Variants in NUDT5 observed in about 807,000 individuals in gnomAD.
The protein encoded by NUDT5 is ADP-sugar pyrophosphatase.
In NUDT5, 21 loss-of-function variants were observed where a neutral mutation model predicts 34.1. The observed-to-expected ratio is 0.62, with a 90% CI of 0.44 to 0.89. The LOEUF is 0.89. NUDT5 is among the 40% of genes least tolerant of loss of function. NUDT5 has a pLI of 0.00. For missense variants in NUDT5, 249 were observed against 274.8 expected (o/e 0.91, Z 0.66); for synonymous variants, 85 against 97.6 (o/e 0.87, Z 0.76).
At position 12,170,034 on chromosome 10, in the gene NUDT5, G is replaced by A; in HGVS notation, c.550+683C>T. 4.2e-6 allele frequency: 6 copies of A among 1,413,574 alleles called. No individual in the cohort carries two copies. Among genetic ancestry groups the A allele is most frequent in the Non-Finnish European group, 6.0e-6 (6 of 1,002,890 alleles). 87.6% of individuals were successfully genotyped at this position (1,413,574 alleles called of 1,614,324 possible). ...AGAGGTGCTCCTTGAAGGGCCCATG[G>A]TATGTCTCCATACAGTATCTCCTCG... is the stretch of plus-strand genomic sequence containing the variant. On this transcript the variant is annotated intron_variant, in intron 9 of 9. Coordinates refer to ENST00000491614, the MANE Select transcript of NUDT5 (RefSeq NM_014142.4). The surrounding 1 kb of genome is among the most constrained non-coding windows in gnomAD (Gnocchi z 4.9).
Position 12,169,071 on chromosome 10 carries a change from G to A in NUDT5, c.551-1260C>T, listed in dbSNP as rs980361997. On this transcript the variant is annotated intron_variant, in intron 9 of 9. Coordinates refer to ENST00000491614, the MANE Select transcript of NUDT5 (RefSeq NM_014142.4). This position sits in a 1 kb window ranked among gnomAD's most constrained non-coding sequence, Gnocchi z 4.8. ...AGCCACCGCACCCGGCCAGCAAACT[G>A]ATCTTAAAATGTAATACTTTCCTTC... is the stretch of plus-strand genomic sequence containing the variant. Among the ~76,000 whole-genome samples, 13 of 152,078 alleles carry A rather than the reference G, an allele frequency of 8.5e-5. No homozygotes were observed. Among genetic ancestry groups the A allele is most frequent in the African/African-American group, 3.1e-4 (13 of 41,422 alleles).
At chr10:12,183,493 C>T (rs1048870876) in intron 3 of NUDT5, among the ~76,000 whole-genome samples, 3 of 152,150 alleles carry the variant, frequency 2.0e-5, no homozygotes, top group East Asian at 1.9e-4. Context: ...TGCATCTTGA[C>T]GATCTATTTC....
intron 7 of NUDT5, among the ~76,000 whole-genome samples, chr10:12,172,306 G>A (rs1356565455): frequency 6.6e-6 from 1 of 151,602 alleles, no homozygotes; most frequent in East Asian, 1.9e-4. Context: ...AGAGAGACAT[G>A]GTCTCATTCT....
Position 12,171,942 on chromosome 10 carries a change from C to T in NUDT5, c.487+823G>A, listed in dbSNP as rs1209273787. On this transcript the variant is annotated intron_variant, in intron 7 of 9. Coordinates refer to ENST00000491614, the MANE Select transcript of NUDT5 (RefSeq NM_014142.4). The surrounding 1 kb of genome is among the most constrained non-coding windows in gnomAD (Gnocchi z 4.2). The stretch of plus-strand genomic sequence containing the variant: ...GTTTCACCATGTTGGCCAGGCTGAT[C>T]TCGAGCTCCTGACCTCAAGTGATCC... Among the ~76,000 whole-genome samples the T allele has an allele frequency of 6.6e-6, 1 of 151,950 alleles. No individual in the cohort carries two copies. The highest frequency in any genetic ancestry group is 1.5e-5 in the Non-Finnish European group (1 of 67,996).
In NUDT5 at chr10:12,169,189, C is replaced by G; in HGVS notation, c.551-1378G>C. The G allele has an allele frequency of 9.7e-7, 1 of 1,027,708 alleles. No individual in the cohort carries two copies. The highest frequency in any genetic ancestry group is 1.4e-6 in the Non-Finnish European group (1 of 692,328). The allele number at this position is 1,027,708 out of a possible 1,614,324, so 63.7% of individuals were successfully genotyped here. A position where few individuals can be genotyped will look rare whatever the true frequency, so the allele number is the denominator to read the frequency against. The stretch of plus-strand genomic sequence containing the variant: ...GCAACTTGGTTCTTTTACCCCTCCT[C>G]CTTTATAGCCATAGTAGCCCTCTCT... On this transcript the variant is annotated intron_variant, in intron 9 of 9. Coordinates refer to ENST00000491614, the MANE Select transcript of NUDT5 (RefSeq NM_014142.4). This position sits in a 1 kb window ranked among gnomAD's most constrained non-coding sequence, Gnocchi z 4.8.
At chr10:12,193,520 T>G (rs1305683192) in intron 1 of NUDT5, among the ~76,000 whole-genome samples, 1 of 152,224 alleles carries the variant, frequency 6.6e-6, no homozygotes, top group Non-Finnish European at 1.5e-5. Flanking sequence ...AAGGTTTTAT[T>G]GGAGAAACTT....
chr10:12,186,502 C>T (rs982848432), intron 1 of NUDT5, among the ~76,000 whole-genome samples, 170 bp from the exon 2 acceptor site: 4 of 152,280 alleles, frequency 2.6e-5, no homozygotes, highest in East Asian at 3.9e-4. Flanking sequence ...CAGGGAGGCC[C>T]GGGGATTAGC....
intron 1 of NUDT5, among the ~76,000 whole-genome samples, chr10:12,191,894 T>G (rs945189674): frequency 1.3e-5 from 2 of 152,208 alleles, no homozygotes; most frequent in Non-Finnish European, 2.9e-5. Context: ...AGTTAAACTA[T>G]GAACTCAAAA....
At chr10:12,179,323 AAC>A (rs1371857963) in intron 3 of NUDT5, among the ~76,000 whole-genome samples, 191 bp from the exon 4 acceptor site, 1 of 152,252 alleles carries the variant, frequency 6.6e-6, no homozygotes, top group African/African-American at 2.4e-5. Context: ...TCTGAAAATT[AAC>A]AACGAAAACT....
chr10:12,168,763 A>AT lies in NUDT5; in HGVS notation c.551-953dup, dbSNP rs979927469. Among the ~76,000 whole-genome samples the AT allele has an allele frequency of 1.1e-4, 17 of 149,606 alleles. No homozygotes were observed. The highest frequency in any genetic ancestry group is 2.1e-4 in the South Asian group (1 of 4,724). On this transcript the variant is annotated intron_variant, in intron 9 of 9. Transcript: ENST00000491614. This position sits in a 1 kb window ranked among gnomAD's most constrained non-coding sequence, Gnocchi z 4.8. ...TTTGTAGCAAACTGATCTTTTTTTA[A>AT]TTTTTTTTTTATGTTTTTGAGATGG... is the stretch of plus-strand genomic sequence containing the variant.
chr10:12,189,175 G>A (rs1040767891), intron 1 of NUDT5, among the ~76,000 whole-genome samples: 1 of 151,882 alleles, frequency 6.6e-6, no homozygotes, highest in African/African-American at 2.4e-5. Flanking sequence ...GCATGATCTC[G>A]GCTCACTGCA....
intron 1 of NUDT5, among the ~76,000 whole-genome samples, chr10:12,186,612 ATTTTTCTTTTTTTT>A (rs1835133547): frequency 2.3e-5 from 3 of 132,704 alleles, no homozygotes; most frequent in South Asian, 2.6e-4. Flanking sequence ...TCTTCATCAG[ATTTTTCTTTTTTTT>A]TTTTTCTTTT....
intron 1 of NUDT5, among the ~76,000 whole-genome samples, chr10:12,190,994 T>C (rs1835216947): frequency 6.6e-6 from 1 of 152,052 alleles, no homozygotes; most frequent in South Asian, 2.1e-4. Context: ...AGACACCACA[T>C]GAACAAAGGC....
In NUDT5 at chr10:12,187,196, C is replaced by A. The variant is rs565477635; in HGVS notation, c.-41-864G>T. Among the ~76,000 whole-genome samples, 8 of 152,270 alleles carry A rather than the reference C, an allele frequency of 5.3e-5. No homozygotes were observed. In the East Asian group the frequency reaches 1.5e-3, roughly 29 times the overall value. On this transcript the variant is annotated intron_variant, in intron 1 of 9. Coordinates refer to ENST00000491614, the MANE Select transcript of NUDT5 (RefSeq NM_014142.4). The surrounding 1 kb of genome is among the most constrained non-coding windows in gnomAD (Gnocchi z 5.4). ...TACAGGTGCATGCTACCACAGCCAACTAATGTTTTAAACTTTTGGTAGAGG... is the reference window on the plus strand; with the variant it reads ...TACAGGTGCATGCTACCACAGCCAAATAATGTTTTAAACTTTTGGTAGAGG...
rs1382942564 is a variant in NUDT5, at chr10:12,181,528, G to T, written c.132-2396C>A. ...ACAGTATCTTTACCCCACAGAGCAG[G>T]AAATAAGCCAAAGAACCCCACAATG... On this transcript the variant is annotated intron_variant, in intron 3 of 9. Coordinates refer to ENST00000491614, the MANE Select transcript of NUDT5 (RefSeq NM_014142.4). This position sits in a 1 kb window ranked among gnomAD's most constrained non-coding sequence, Gnocchi z 5.0. 6.6e-6 allele frequency among the ~76,000 whole-genome samples: 1 copy of T among 152,168 alleles called. No individual in the cohort carries two copies. Among genetic ancestry groups the T allele is most frequent in the Admixed American group, 6.5e-5 (1 of 15,282 alleles).
Position 12,187,288 on chromosome 10 carries a change from C to T in NUDT5, c.-41-956G>A, listed in dbSNP as rs1381803182. ...GGCTCAAGCGATCCTCCTCCCGCCT[C>T]GGTGTCCCAAAGTGCTGGGATTACA... On this transcript the variant is annotated intron_variant, in intron 1 of 9. Coordinates refer to ENST00000491614, the MANE Select transcript of NUDT5 (RefSeq NM_014142.4). The surrounding 1 kb of genome is among the most constrained non-coding windows in gnomAD (Gnocchi z 5.4). Among the ~76,000 whole-genome samples the T allele has an allele frequency of 2.0e-5, 3 of 151,458 alleles. No individual in the cohort carries two copies. Among genetic ancestry groups the T allele is most frequent in the African/African-American group, 4.9e-5 (2 of 41,194 alleles).
In NUDT5 at chr10:12,175,031, A is replaced by G. The variant is rs143709685; in HGVS notation, c.290-1218T>C. ...TTTTTCCTGAAAGGAATTAAAAAAT[A>G]TAATAAGGCTGGGCGTGGCGGCCCA... On this transcript the variant is annotated intron_variant, in intron 5 of 9. Transcript: ENST00000491614. The surrounding 1 kb of genome is among the most constrained non-coding windows in gnomAD (Gnocchi z 4.8). Among the ~76,000 whole-genome samples, 557 of 152,272 alleles carry G rather than the reference A, an allele frequency of 3.7e-3. 3 individuals are homozygous for G. The highest frequency in any genetic ancestry group is 0.013 in the African/African-American group (534 of 41,546).
intron 1 of NUDT5, among the ~76,000 whole-genome samples, chr10:12,188,728 TAA>T (rs1230471724): frequency 4.0e-5 from 3 of 74,686 alleles, no homozygotes; most frequent in South Asian, 1.1e-3. Context: ...AGACTCCATC[TAA>T]AAAAAAAAAA....
rs1834818697 is a variant in NUDT5, at chr10:12,169,984, G to C, written c.550+733C>G. On this transcript the variant is annotated intron_variant, in intron 9 of 9. Transcript: ENST00000491614. This position sits in a 1 kb window ranked among gnomAD's most constrained non-coding sequence, Gnocchi z 4.8. ...CAAGTGTCTGCTTCTTTCTAGATGAGTGAAAGGGATTTGCCAGCCCATACA... is the reference window on the plus strand; with the variant it reads ...CAAGTGTCTGCTTCTTTCTAGATGACTGAAAGGGATTTGCCAGCCCATACA... The C allele has an allele frequency of 2.6e-6, 2 of 754,876 alleles. No homozygotes were observed. Among genetic ancestry groups the C allele is most frequent in the South Asian group, 1.8e-5 (1 of 56,354 alleles). 46.8% of individuals were successfully genotyped at this position (754,876 alleles called of 1,614,324 possible). A position where few individuals can be genotyped will look rare whatever the true frequency, so the allele number is the denominator to read the frequency against.
Sources: allele counts gnomAD v4.1 joint callset (sites outside exome capture counted in the v4.1 genomes callset), GRCh38; gene constraint gnomAD v4.1.1; non-coding constraint Gnocchi (gnomAD v3.1); transcripts MANE v1.5; gene names NCBI Gene and HGNC (gene_info 2026-07-23, HGNC 2026-07-21).